PRKCB: variants seen among roughly 807,000 people sequenced by gnomAD.
PRKCB encodes protein kinase C beta type.
A neutral mutation model predicts 81.5 loss-of-function variants in PRKCB; 13 were observed. The observed-to-expected ratio is 0.16, with a 90% CI of 0.10 to 0.25. PRKCB has a LOEUF of 0.25. Among genes scored for constraint, PRKCB ranks in the 10% least tolerant of loss-of-function variants. The pLI is 1.00. For missense variants in PRKCB, 509 were observed against 875.7 expected (o/e 0.58, Z 5.29); for synonymous variants, 335 against 321.4 (o/e 1.04, Z -0.45).
intron 2 of PRKCB, among the ~76,000 whole-genome samples, chr16:23,933,362 A>G (rs1379860654): frequency 6.6e-6 from 1 of 152,014 alleles, no homozygotes; most frequent in Non-Finnish European, 1.5e-5. Context: ...TTCAGACTTT[A>G]TTATTTTGGG....
chr16:23,836,120 G>A lies in PRKCB; in HGVS notation c.-56G>A, dbSNP rs1962148288. Reference sequence around the variant, plus strand: ...CCCGCGCCTCCCCGGCCCGCAGCCCGCGGTCCCGCGGCCCCGGGGCCGGCA... The same window carrying A: ...CCCGCGCCTCCCCGGCCCGCAGCCCACGGTCCCGCGGCCCCGGGGCCGGCA... On this transcript the variant is annotated 5_prime_UTR_variant, in exon 1 of 17. Coordinates refer to ENST00000643927, the MANE Select transcript of PRKCB (RefSeq NM_002738.7). The A allele has an allele frequency of 8.6e-7, 1 of 1,168,976 alleles. No homozygotes were observed. The allele number at this position is 1,168,976 out of a possible 1,614,324, so 72.4% of individuals were successfully genotyped here. A position where few individuals can be genotyped will look rare whatever the true frequency, so the allele number is the denominator to read the frequency against.
At chr16:24,051,740 A>G (rs539840487) in intron 5 of PRKCB, among the ~76,000 whole-genome samples, 9 of 152,250 alleles carry the variant, frequency 5.9e-5, no homozygotes, top group African/African-American at 2.2e-4. Context: ...TTACCCAGGC[A>G]TGGTAGTGCA....
intron 9 of PRKCB, among the ~76,000 whole-genome samples, chr16:24,139,408 C>T (rs964368884): frequency 6.6e-6 from 1 of 152,208 alleles, no homozygotes; most frequent in Non-Finnish European, 1.5e-5. Flanking sequence ...CACACATCCT[C>T]ATTTAAATAC....
At chr16:24,117,212 C>T (rs1596555672) in intron 8 of PRKCB, among the ~76,000 whole-genome samples, 1 of 152,128 alleles carries the variant, frequency 6.6e-6, no homozygotes, top group Non-Finnish European at 1.5e-5. Context: ...ACTTTCAAGC[C>T]TCTTATCTGG....
At chr16:24,016,524 G>T (rs1008562019) in intron 3 of PRKCB, among the ~76,000 whole-genome samples, 2 of 152,032 alleles carry the variant, frequency 1.3e-5, no homozygotes, top group African/African-American at 2.4e-5. Flanking sequence ...TGCCAAGAAT[G>T]TCTGGTTATA....
At chr16:23,876,987 T>TGG (rs57866808) in intron 2 of PRKCB, among the ~76,000 whole-genome samples, 10 of 151,714 alleles carry the variant, frequency 6.6e-5, no homozygotes, top group African/African-American at 2.4e-4. Context: ...TAGAAGGATA[T>TGG]GGGGGGGGAG....
intron 15 of PRKCB, 48 bp downstream of exon 15, chr16:24,185,615 T>C: frequency 9.9e-6 from 15 of 1,511,862 alleles, no homozygotes; most frequent in Non-Finnish European, 1.4e-5. Context: ...CATAAAGGCA[T>C]GTGGGCTGTA....
At chr16:24,045,713 C>G (rs1026538438) in intron 5 of PRKCB, among the ~76,000 whole-genome samples, 1 of 152,200 alleles carries the variant, frequency 6.6e-6, no homozygotes, top group African/African-American at 2.4e-5. Flanking sequence ...GTTAGCAATT[C>G]GGGATCTCAG....
At chr16:23,895,697 A>G (rs1963367821) in intron 2 of PRKCB, among the ~76,000 whole-genome samples, 1 of 152,184 alleles carries the variant, frequency 6.6e-6, no homozygotes, top group African/African-American at 2.4e-5. Flanking sequence ...AACCAGTTTT[A>G]GATTCTCCTA....
chr16:24,219,728 C>A lies in PRKCB; in HGVS notation c.*4912C>A, dbSNP rs1968293087. The A allele has an allele frequency of 7.4e-7, 1 of 1,353,776 alleles. No individual in the cohort carries two copies. Among genetic ancestry groups the A allele is most frequent in the Non-Finnish European group, 9.5e-7 (1 of 1,052,906 alleles). The allele number at this position is 1,353,776 out of a possible 1,614,324, so 83.9% of individuals were successfully genotyped here. A position where few individuals can be genotyped will look rare whatever the true frequency, so the allele number is the denominator to read the frequency against. ...CCACTTTATGGCAATTCTTAACTGACATTCAATGACTTACTTCTTTTCTTA... is the reference window on the plus strand; with the variant it reads ...CCACTTTATGGCAATTCTTAACTGAAATTCAATGACTTACTTCTTTTCTTA... On this transcript the variant is annotated 3_prime_UTR_variant, in exon 17 of 17. Coordinates refer to ENST00000643927, the MANE Select transcript of PRKCB (RefSeq NM_002738.7).
At chr16:23,859,807 A>G (rs1160627889) in intron 2 of PRKCB, among the ~76,000 whole-genome samples, 1 of 151,986 alleles carries the variant, frequency 6.6e-6, no homozygotes, top group Non-Finnish European at 1.5e-5. Flanking sequence ...CAGGAGAGAA[A>G]GACCTCCAGG....
intron 2 of PRKCB, among the ~76,000 whole-genome samples, chr16:23,950,377 C>T (rs1964265107): frequency 6.6e-6 from 1 of 152,160 alleles, no homozygotes; most frequent in Non-Finnish European, 1.5e-5. Context: ...CTTCTAGTCC[C>T]AACCCATTGT....
chr16:23,901,552 C>A (rs1963473050), intron 2 of PRKCB, among the ~76,000 whole-genome samples: 1 of 152,130 alleles, frequency 6.6e-6, no homozygotes, highest in Non-Finnish European at 1.5e-5. Flanking sequence ...GAAATGTCTT[C>A]TTTTAAAGAC....
intron 5 of PRKCB, among the ~76,000 whole-genome samples, chr16:24,064,735 TA>T (rs1966011602): frequency 6.6e-6 from 1 of 152,086 alleles, no homozygotes; most frequent in South Asian, 2.1e-4. Flanking sequence ...TTGGTTTGTA[TA>T]TTTTGAAGCA....
chr16:24,001,701 G>A (rs1965036576), intron 3 of PRKCB, among the ~76,000 whole-genome samples: 1 of 151,984 alleles, frequency 6.6e-6, no homozygotes, highest in Admixed American at 6.6e-5. Flanking sequence ...ATGTTTCATG[G>A]GTAAAACTTC....
chr16:23,961,389 A>C (rs1258557358), intron 2 of PRKCB, among the ~76,000 whole-genome samples: 1 of 152,236 alleles, frequency 6.6e-6, no homozygotes, highest in Non-Finnish European at 1.5e-5. Flanking sequence ...GGTGTTCAGC[A>C]ATCTGATTCT....
intron 7 of PRKCB, among the ~76,000 whole-genome samples, chr16:24,110,898 T>C (rs1183253102): frequency 6.6e-6 from 1 of 152,126 alleles, no homozygotes; most frequent in African/African-American, 2.4e-5. Context: ...TGAATTTCCT[T>C]CCAAGGAAGA....
chr16:23,996,357 G>A (rs956076164), intron 3 of PRKCB, among the ~76,000 whole-genome samples: 1 of 152,158 alleles, frequency 6.6e-6, no homozygotes, highest in Admixed American at 6.5e-5. Context: ...AGGGATGGAG[G>A]TTATGCATGG....
intron 5 of PRKCB, among the ~76,000 whole-genome samples, chr16:24,085,875 A>G (rs1476771304): frequency 6.6e-6 from 1 of 152,170 alleles, no homozygotes; most frequent in Non-Finnish European, 1.5e-5. Flanking sequence ...ACACCATGAC[A>G]GTCCCAGCTG....
Sources: allele counts gnomAD v4.1 joint callset (sites outside exome capture counted in the v4.1 genomes callset), GRCh38; gene constraint gnomAD v4.1.1; transcripts MANE v1.5; gene names NCBI Gene and HGNC (gene_info 2026-07-23, HGNC 2026-07-21).